The following TMEM182 variants were observed in gnomAD, a reference collection of about 807,000 sequenced individuals.
TMEM182 encodes the protein transmembrane protein 182.
In TMEM182, 20 loss-of-function variants were observed where a neutral mutation model predicts 26.8. The observed-to-expected ratio is 0.75, with a 90% CI of 0.53 to 1.09. TMEM182 has a LOEUF of 1.09. Ranked by LOEUF, TMEM182 falls within the 50% of genes least tolerant of loss-of-function variation. The pLI is 0.00. For synonymous variants in TMEM182, 109 were observed against 102.2 expected (o/e 1.07, Z -0.40); for missense variants, 277 against 275.5 (o/e 1.01, Z -0.04).
chr2:102,816,352 T>C lies in TMEM182; in HGVS notation c.*1384T>C. The C allele has an allele frequency of 1.0e-6, 1 of 985,308 alleles. No homozygotes were observed. Among genetic ancestry groups the C allele is most frequent in the Non-Finnish European group, 1.2e-6 (1 of 829,930 alleles). 61.0% of individuals were successfully genotyped at this position (985,308 alleles called of 1,614,324 possible). ...AGAAGATGCTCTGGGATAGAGGAACTGCTCCTTTTCATCAGCTCTTCCAAT... is the reference window on the plus strand; with the variant it reads ...AGAAGATGCTCTGGGATAGAGGAACCGCTCCTTTTCATCAGCTCTTCCAAT... On this transcript the variant is annotated 3_prime_UTR_variant, in exon 5 of 5. Transcript: ENST00000412401.
rs981817118 is a variant in TMEM182 at position 102,815,671 on chromosome 2, A to G, written c.*703A>G. On this transcript the variant is annotated 3_prime_UTR_variant, in exon 5 of 5. Transcript: ENST00000412401. ...AAATCTGCATACCAAATTATGTATAACGTAGATTGAATTTTTATGAACTTA... is the reference window on the plus strand; with the variant it reads ...AAATCTGCATACCAAATTATGTATAGCGTAGATTGAATTTTTATGAACTTA... The G allele has an allele frequency of 1.0e-6, 1 of 984,296 alleles. No individual in the cohort carries two copies. The highest frequency in any genetic ancestry group is 1.2e-6 in the Non-Finnish European group (1 of 828,854). The allele number at this position is 984,296 out of a possible 1,614,324, so 61.0% of individuals were successfully genotyped here.
At chr2:102,832,027 A>T (rs1484611495) in intron 3 of TMEM182, among the ~76,000 whole-genome samples, 5 of 152,196 alleles carry the variant, frequency 3.3e-5, no homozygotes, top group Non-Finnish European at 1.5e-5. Flanking sequence ...GGAAATGTTG[A>T]TATATTTCAT....
At chr2:102,813,118 A>C (rs944306491) in intron 4 of TMEM182, among the ~76,000 whole-genome samples, 3 of 152,238 alleles carry the variant, frequency 2.0e-5, no homozygotes, top group African/African-American at 7.2e-5. Context: ...GTTTCTTATT[A>C]GCGAAGCATC....
At chr2:102,817,686 GT>G (rs1388058840), downstream of TMEM182, 1 of 984,188 alleles carries the variant, frequency 1.0e-6, no homozygotes, top group African/African-American at 1.7e-5. Context: ...GGAAGTGTCA[GT>G]GTTGGTAATT....
In TMEM182 at chr2:102,815,174, T is replaced by C; in HGVS notation, c.*206T>C. On this transcript the variant is annotated 3_prime_UTR_variant, in exon 5 of 5. Transcript: ENST00000412401. Reference sequence around the variant, plus strand: ...GCAAGCCTCTATCTTGTCTAAGTGCTGTCAAGGACCTAGTTCTTTAGGGAA... The same window carrying C: ...GCAAGCCTCTATCTTGTCTAAGTGCCGTCAAGGACCTAGTTCTTTAGGGAA... The C allele has an allele frequency of 7.2e-7, 1 of 1,390,976 alleles. No individual in the cohort carries two copies. The highest frequency in any genetic ancestry group is 3.1e-5 in the Admixed American group (1 of 32,138). The allele number at this position is 1,390,976 out of a possible 1,614,324, so 86.2% of individuals were successfully genotyped here.
At chr2:102,757,597 A>G (rs550977765), upstream of TMEM182, 1 of 152,256 alleles carries the variant, frequency 6.6e-6, no homozygotes, top group East Asian at 1.9e-4. Context: ...CATATTAGCT[A>G]CTATTAGGCA....
At chr2:102,770,733 C>T (rs930124549) in intron 3 of TMEM182, among the ~76,000 whole-genome samples, 1 of 152,174 alleles carries the variant, frequency 6.6e-6, no homozygotes, top group Admixed American at 6.5e-5. Context: ...TCAGCCAACA[C>T]TGCGGCTTGG....
intron 3 of TMEM182, among the ~76,000 whole-genome samples, chr2:102,830,874 T>C (rs754294490): frequency 9.2e-5 from 14 of 152,148 alleles, no homozygotes; most frequent in Non-Finnish European, 1.8e-4. Context: ...CTTCCCAGCC[T>C]CTGGTAATCA....
intron 3 of TMEM182, among the ~76,000 whole-genome samples, chr2:102,768,199 T>C (rs1174631661): frequency 6.6e-6 from 1 of 152,174 alleles, no homozygotes; most frequent in Admixed American, 6.5e-5. Flanking sequence ...TCTAGTTCAA[T>C]TCTAAGCTCC....
chr2:102,780,049 A>ATTT (rs779455881), intron 3 of TMEM182, among the ~76,000 whole-genome samples: 1 of 140,198 alleles, frequency 7.1e-6, no homozygotes. Flanking sequence ...GCCATTGAAG[A>ATTT]TTTTTTTTTT....
At chr2:102,765,394 C>T (rs1680391013) in intron 3 of TMEM182, among the ~76,000 whole-genome samples, 1 of 152,130 alleles carries the variant, frequency 6.6e-6, no homozygotes, top group Non-Finnish European at 1.5e-5. Context: ...TTTAAATCTT[C>T]AACTGATTGG....
chr2:102,837,801 T>G (rs993081717), intron 3 of TMEM182, among the ~76,000 whole-genome samples: 14 of 152,148 alleles, frequency 9.2e-5, no homozygotes, highest in African/African-American at 3.1e-4. Context: ...GCTGGTTTTG[T>G]TCTCTCTCTG....
intron 4 of TMEM182, among the ~76,000 whole-genome samples, chr2:102,805,687 A>C (rs916377781): frequency 6.6e-6 from 1 of 152,154 alleles, no homozygotes; most frequent in Non-Finnish European, 1.5e-5. Context: ...CATATGACAT[A>C]CTATAATGAG....
At chr2:102,812,734 A>G (rs992188861) in intron 4 of TMEM182, among the ~76,000 whole-genome samples, 1 of 152,208 alleles carries the variant, frequency 6.6e-6, no homozygotes, top group African/African-American at 2.4e-5. Flanking sequence ...TCCTTTTTCC[A>G]TTAAAATATC....
chr2:102,773,516 T>C (rs1475500467), intron 3 of TMEM182, among the ~76,000 whole-genome samples: 1 of 132,214 alleles, frequency 7.6e-6, no homozygotes, highest in South Asian at 2.6e-4. Flanking sequence ...AGGGCATACT[T>C]GATGGGTGAC....
chr2:102,753,818 C>T (rs1291239317), intron 1 of TMEM182, among the ~76,000 whole-genome samples: 1 of 152,292 alleles, frequency 6.6e-6, no homozygotes, highest in East Asian at 1.9e-4. Flanking sequence ...TTACTGAGCA[C>T]CTACCTTACA....
At chr2:102,828,456 G>A (rs1461393469) in intron 3 of TMEM182, among the ~76,000 whole-genome samples, 2 of 152,168 alleles carry the variant, frequency 1.3e-5, no homozygotes, top group Non-Finnish European at 2.9e-5. Context: ...GAGCAAGGTC[G>A]CCAGCTCAAG....
At chr2:102,745,886 G>A (rs1009085550) in intron 1 of TMEM182, among the ~76,000 whole-genome samples, 1 of 151,964 alleles carries the variant, frequency 6.6e-6, no homozygotes, top group Non-Finnish European at 1.5e-5. Context: ...TCTAATTTTG[G>A]GATATTATGA....
At chr2:102,800,398 T>C (rs912420820) in intron 4 of TMEM182, among the ~76,000 whole-genome samples, 3 of 152,226 alleles carry the variant, frequency 2.0e-5, no homozygotes, top group African/African-American at 7.2e-5. Context: ...ATGTGGACTT[T>C]TGTGTCTGGC....
Sources: allele counts gnomAD v4.1 joint callset (sites outside exome capture counted in the v4.1 genomes callset), GRCh38; gene constraint gnomAD v4.1.1; transcripts MANE v1.5; gene names NCBI Gene and HGNC (gene_info 2026-07-23, HGNC 2026-07-21).